Variants in TNKS observed in about 807,000 individuals in gnomAD.
TNKS encodes the protein poly [ADP-ribose] polymerase tankyrase-1.
In TNKS, 72 loss-of-function variants were observed where a neutral mutation model predicts 135.8. The ratio of observed to expected loss-of-function variants is 0.53; its 90% CI spans 0.44 to 0.64. The LOEUF (loss-of-function observed/expected upper bound fraction) is 0.64, where lower values mean the gene tolerates loss of function less well. Among genes scored for constraint, TNKS ranks in the 30% least tolerant of loss-of-function variants. The pLI is 0.00. For synonymous variants in TNKS, 849 were observed against 649.3 expected (o/e 1.31, Z -4.68); for missense variants, 1,769 against 1,674.0 (o/e 1.06, Z -0.99).
intron 2 of TNKS, among the ~76,000 whole-genome samples, chr8:9,586,761 G>GTA (rs1798396801): frequency 6.8e-6 from 1 of 146,440 alleles, no homozygotes; most frequent in East Asian, 2.0e-4. Flanking sequence ...GTGTGTGTGT[G>GTA]TATGAAGTTA....
At chr8:9,707,745 TAAGCTATTA>T (rs959216968) in intron 8 of TNKS, among the ~76,000 whole-genome samples, 5 of 152,206 alleles carry the variant, frequency 3.3e-5, no homozygotes, top group African/African-American at 1.2e-4. Flanking sequence ...ATGAAAATAA[TAAGCTATTA>T]ATTGTTCTTT....
intron 1 of TNKS, among the ~76,000 whole-genome samples, chr8:9,578,873 T>C (rs1204944555): frequency 6.6e-6 from 1 of 152,204 alleles, no homozygotes; most frequent in African/African-American, 2.4e-5. Context: ...AATGCGAATA[T>C]TTGCGGTTTC....
At chr8:9,635,205 A>G (rs1308782540) in intron 3 of TNKS, among the ~76,000 whole-genome samples, 3 of 152,048 alleles carry the variant, frequency 2.0e-5, no homozygotes, top group Non-Finnish European at 4.4e-5. Context: ...TGAACTGCTC[A>G]AAGAAATAAT....
intron 25 of TNKS, 56 bp downstream of exon 25, chr8:9,766,481 G>GTA: frequency 1.0e-4 from 83 of 796,006 alleles, no homozygotes; most frequent in Non-Finnish European, 1.4e-4. Context: ...GAACCAAATT[G>GTA]TCTTTTTTTT....
At chr8:9,769,563 C>G (rs937596397) in intron 25 of TNKS, among the ~76,000 whole-genome samples, 2 of 148,958 alleles carry the variant, frequency 1.3e-5, no homozygotes, top group African/African-American at 5.0e-5. Flanking sequence ...AGTTTTTTCT[C>G]TGGTTTTTTC....
chr8:9,565,683 C>G (rs191958538), intron 1 of TNKS, among the ~76,000 whole-genome samples: 1,754 of 151,938 alleles, frequency 0.012, 12 homozygotes, highest in African/African-American at 0.022. Flanking sequence ...AACCCCGTCT[C>G]TACTAAAAAT....
chr8:9,661,135 T>C (rs939214478), intron 3 of TNKS, among the ~76,000 whole-genome samples: 2 of 151,922 alleles, frequency 1.3e-5, no homozygotes, highest in Non-Finnish European at 2.9e-5. Flanking sequence ...GAAGAATCAA[T>C]ATCGTGAAAA....
chr8:9,677,939 C>G (rs537723758), intron 3 of TNKS, among the ~76,000 whole-genome samples: 2 of 152,256 alleles, frequency 1.3e-5, no homozygotes, highest in South Asian at 4.2e-4. Context: ...GTCCTTCCTT[C>G]AAAACTGCTC....
intron 3 of TNKS, 89 bp from the exon 4 acceptor site, chr8:9,679,862 C>T (rs1802705363): frequency 7.3e-6 from 8 of 1,096,748 alleles, no homozygotes; most frequent in Non-Finnish European, 9.7e-6. Context: ...TTCTGTTCTT[C>T]TCTATTTAAT....
chr8:9,776,425 A>G (rs573513365), intron 26 of TNKS, among the ~76,000 whole-genome samples: 1 of 152,342 alleles, frequency 6.6e-6, no homozygotes, highest in Non-Finnish European at 1.5e-5. Flanking sequence ...CTTAATTGAC[A>G]GTATTCGAAG....
chr8:9,662,407 A>G (rs1261623092), intron 3 of TNKS, among the ~76,000 whole-genome samples: 1 of 152,196 alleles, frequency 6.6e-6, no homozygotes, highest in Non-Finnish European at 1.5e-5. Flanking sequence ...ATGGAATACT[A>G]TGCAGCCATA....
In TNKS at chr8:9,684,486, A is replaced by G. The variant is rs1802905677; in HGVS notation, c.1107+3686A>G. ...TTATTCTCCTTTTCTAGGTGTCTTT[A>G]TCCCCTTCCAAAATAAATGTCCAAA... On this transcript the variant is annotated intron_variant, in intron 5 of 26. Coordinates refer to ENST00000310430, the MANE Select transcript of TNKS (RefSeq NM_003747.3). Among the ~76,000 whole-genome samples the G allele has an allele frequency of 3.3e-5, 5 of 151,972 alleles. No individual in the cohort carries two copies. The South Asian group carries it at 1.0e-3, about 32-fold the overall frequency.
In TNKS at chr8:9,556,127, T is replaced by A; in HGVS notation, c.188T>A (p.Leu63Gln). The A allele has an allele frequency of 6.2e-7, 1 of 1,605,386 alleles. No homozygotes were observed. The change falls in exon 1 of 27, where the codon CTA (leucine) becomes CAA (glutamine). Residue 63 changes from leucine (L) to glutamine (Q), a missense_variant. Transcript: ENST00000310430. ...CCCTTCGCCTCCCCGCGGCACGGCC[T>A]AGCGCTGCCGGAGGGGGATGGCAGT... ...LAPFASPRHGLALPEGDGSRD... is the reference protein window; with the variant it reads ...LAPFASPRHGQALPEGDGSRD...
At chr8:9,663,247 CT>C (rs1801817740) in intron 3 of TNKS, among the ~76,000 whole-genome samples, 1 of 152,186 alleles carries the variant, frequency 6.6e-6, no homozygotes, top group South Asian at 2.1e-4. Context: ...CACTTAGTTT[CT>C]GGTATTGTGT....
chr8:9,663,636 C>T (rs1801841630), intron 3 of TNKS, among the ~76,000 whole-genome samples: 1 of 152,242 alleles, frequency 6.6e-6, no homozygotes, highest in Non-Finnish European at 1.5e-5. Context: ...GTCATCTATA[C>T]TTCTTATCTG....
intron 3 of TNKS, among the ~76,000 whole-genome samples, chr8:9,626,421 G>A (rs60078276): frequency 0.084 from 12,758 of 152,308 alleles, 571 homozygotes; most frequent in South Asian, 0.17. Flanking sequence ...GTCTAGAACT[G>A]TAAGGTAATA....
At chr8:9,692,219 C>T (rs1425361721) in intron 5 of TNKS, among the ~76,000 whole-genome samples, 1 of 152,154 alleles carries the variant, frequency 6.6e-6, no homozygotes, top group East Asian at 1.9e-4. Context: ...CAAGCAGTCC[C>T]CGGTGCCTGT....
At chr8:9,631,609 T>A (rs1020232996) in intron 3 of TNKS, among the ~76,000 whole-genome samples, 1 of 152,222 alleles carries the variant, frequency 6.6e-6, no homozygotes, top group Non-Finnish European at 1.5e-5. Context: ...GGAGATCATC[T>A]CATTCATTCT....
rs1387840576 is a variant in TNKS at position 9,780,885 on chromosome 8, A to G, written c.*4149A>G. 6.6e-6 allele frequency: 1 copy of G among 152,202 alleles called. No homozygotes were observed. Among genetic ancestry groups the G allele is most frequent in the East Asian group, 1.9e-4 (1 of 5,202 alleles). 9.4% of individuals were successfully genotyped at this position (152,202 alleles called of 1,614,324 possible). A position where few individuals can be genotyped will look rare whatever the true frequency, so the allele number is the denominator to read the frequency against. ...ATATTGGAACTTCCTCAGCTACCAG[A>G]TTTCTGGTTTGGAGAAGTGCTGGAA... is the stretch of plus-strand genomic sequence containing the variant. On this transcript the variant is annotated 3_prime_UTR_variant, in exon 27 of 27. Transcript: ENST00000310430.
Sources: allele counts gnomAD v4.1 joint callset (sites outside exome capture counted in the v4.1 genomes callset), GRCh38; gene constraint gnomAD v4.1.1; transcripts MANE v1.5; gene names NCBI Gene and HGNC (gene_info 2026-07-23, HGNC 2026-07-21).